BRSK2: variants seen among roughly 807,000 people sequenced by gnomAD.
BRSK2 encodes the protein serine/threonine-protein kinase BRSK2.
BRSK2 carries 19 observed loss-of-function variants against 83.3 expected under a neutral mutation model. The observed-to-expected ratio is 0.23, with a 90% CI of 0.16 to 0.33. The LOEUF (loss-of-function observed/expected upper bound fraction) is 0.33, where lower values mean the gene tolerates loss of function less well. Ranked by LOEUF, BRSK2 falls within the 10% of genes least tolerant of loss-of-function variation. The pLI is 1.00. For synonymous variants in BRSK2, 519 were observed against 435.4 expected (o/e 1.19, Z -2.39); for missense variants, 798 against 1,042.3 (o/e 0.77, Z 3.23).
intron 1 of BRSK2, among the ~76,000 whole-genome samples, chr11:1,421,678 C>G (rs1406705936): frequency 6.6e-6 from 1 of 152,206 alleles, no homozygotes; most frequent in Non-Finnish European, 1.5e-5. Context: ...TCCTTCCTGC[C>G]CCCTGCCCCA....
chr11:1,451,443 T>A (rs117148214), intron 15 of BRSK2, 24 bp downstream of exon 15: 1 of 1,610,530 alleles, frequency 6.2e-7, no homozygotes, highest in Non-Finnish European at 8.5e-7. Flanking sequence ...GCTGGAGGCC[T>A]CCTGGTACCT....
In BRSK2 at chr11:1,454,903, C is replaced by T. The variant is rs1564881089; in HGVS notation, c.1668+295C>T. On this transcript the variant is annotated intron_variant, in intron 16 of 19. Transcript: ENST00000528841. This position sits in a 1 kb window ranked among gnomAD's most constrained non-coding sequence, Gnocchi z 5.2. ...GCCGGACAGGCCTGGGCAGCTGGCA[C>T]GTGGGGCAGAAGGAAGGCTCCAGCT... 1.3e-5 allele frequency among the ~76,000 whole-genome samples: 2 copies of T among 152,134 alleles called. No homozygotes were observed. Among genetic ancestry groups the T allele is most frequent in the Admixed American group, 6.5e-5 (1 of 15,280 alleles).
At chr11:1,400,116 G>A (rs533303686) in intron 1 of BRSK2, among the ~76,000 whole-genome samples, 4 of 152,390 alleles carry the variant, frequency 2.6e-5, no homozygotes, top group African/African-American at 9.6e-5. Context: ...AAGCCAGTCG[G>A]ATGCTGGGAT....
chr11:1,435,925 G>C (rs1661337765), intron 1 of BRSK2, 115 bp from the exon 2 acceptor site: 1 of 725,026 alleles, frequency 1.4e-6, no homozygotes, highest in Non-Finnish European at 2.3e-6. Flanking sequence ...CCCTGGAGCG[G>C]GTGGGACCCC....
chr11:1,459,480 G>A (rs779451180), intron 19 of BRSK2: 1 of 550,790 alleles, frequency 1.8e-6, no homozygotes, highest in South Asian at 2.1e-5. Context: ...CCTAGGATCA[G>A]GGCAGGCCCA....
chr11:1,390,535 C>T lies in BRSK2; in HGVS notation c.91+160C>T, dbSNP rs1257954953. Among the ~76,000 whole-genome samples, 10 of 145,848 alleles carry T rather than the reference C, an allele frequency of 6.9e-5. No individual in the cohort carries two copies. In the South Asian group the frequency reaches 1.7e-3, roughly 25 times the overall value. On this transcript the variant is annotated intron_variant, in intron 1 of 19. Coordinates refer to ENST00000528841, the MANE Select transcript of BRSK2 (RefSeq NM_001256627.2). This position sits in a 1 kb window ranked among gnomAD's most constrained non-coding sequence, Gnocchi z 6.8. ...CCGTGCGCCCCCGTCCGCTCGTGCG[C>T]CCCGGTTCCGCCGCGGATCCCGCAG... is the stretch of plus-strand genomic sequence containing the variant.
rs1332463468 is a variant in BRSK2 at position 1,456,587 on chromosome 11, G to A, written c.1850-11G>A. 5.0e-6 allele frequency: 8 copies of A among 1,609,290 alleles called. No homozygotes were observed. The Admixed American group carries it at 1.0e-4, about 20-fold the overall frequency. On this transcript the variant is annotated splice_polypyrimidine_tract_variant and intron_variant, in intron 17 of 19. Transcript: ENST00000528841. ...AGGCCCGTCCAGGGCATAACCCCCT[G>A]TCTCCCCTAGGCCCCAGCCGTCGCT...
At chr11:1,446,772 C>G (rs1263812295) in intron 12 of BRSK2, among the ~76,000 whole-genome samples, 5 of 152,204 alleles carry the variant, frequency 3.3e-5, no homozygotes, top group Admixed American at 2.6e-4. Context: ...TGGCAGCTTC[C>G]AACACTTGGG....
chr11:1,414,736 G>A (rs888307234), intron 1 of BRSK2, among the ~76,000 whole-genome samples: 2 of 152,192 alleles, frequency 1.3e-5, no homozygotes, highest in African/African-American at 2.4e-5. Context: ...TGCGCCACAC[G>A]TTCTCTTGCC....
intron 16 of BRSK2, among the ~76,000 whole-genome samples, chr11:1,455,200 A>G (rs1476283113): frequency 6.6e-6 from 1 of 152,058 alleles, no homozygotes; most frequent in Non-Finnish European, 1.5e-5. Context: ...AAATGGAGAA[A>G]GTTTATTGCC....
At chr11:1,397,180 C>T (rs1320062487) in intron 1 of BRSK2, among the ~76,000 whole-genome samples, 1 of 152,250 alleles carries the variant, frequency 6.6e-6, no homozygotes, top group Non-Finnish European at 1.5e-5. Context: ...CTAGCCTAGG[C>T]TGACCAAGCG....
At chr11:1,399,730 G>T (rs1161971690) in intron 1 of BRSK2, among the ~76,000 whole-genome samples, 1 of 152,200 alleles carries the variant, frequency 6.6e-6, no homozygotes, top group Admixed American at 6.5e-5. Flanking sequence ...GGGTGGACAT[G>T]GGGGATTTGG....
intron 8 of BRSK2, 59 bp downstream of exon 8, chr11:1,443,694 G>A (rs1311084862): frequency 3.4e-6 from 5 of 1,465,860 alleles, no homozygotes; most frequent in East Asian, 2.5e-5. Context: ...GGGGGCGGGC[G>A]TGTGCCTGTG....
At chr11:1,422,041 G>A (rs947719514) in intron 1 of BRSK2, among the ~76,000 whole-genome samples, 3 of 152,128 alleles carry the variant, frequency 2.0e-5, no homozygotes, top group African/African-American at 2.4e-5. Flanking sequence ...GCCCCACGGG[G>A]GGAGGGTGGC....
chr11:1,393,517 G>T (rs1845860094), intron 1 of BRSK2, among the ~76,000 whole-genome samples: 1 of 152,212 alleles, frequency 6.6e-6, no homozygotes, highest in African/African-American at 2.4e-5. Flanking sequence ...GCTAGGATGA[G>T]GGGCTGCCCT....
Position 1,460,839 on chromosome 11 carries a change from G to C in BRSK2, c.*116G>C. Reference sequence around the variant, plus strand: ...CGCCCGTCCGTCCAGACTGTTCTCAGAGCCTGGGAGGAAAGGAAAGGGGCG... The same window carrying C: ...CGCCCGTCCGTCCAGACTGTTCTCACAGCCTGGGAGGAAAGGAAAGGGGCG... On this transcript the variant is annotated 3_prime_UTR_variant, in exon 20 of 20. Transcript: ENST00000528841. 6 of 1,539,324 alleles carry C rather than the reference G, an allele frequency of 3.9e-6. No homozygotes were observed. The highest frequency in any genetic ancestry group is 5.2e-6 in the Non-Finnish European group (6 of 1,146,118).
At chr11:1,408,776 TGTTTGG>T (rs145584577) in intron 1 of BRSK2, among the ~76,000 whole-genome samples, 1 of 121,276 alleles carries the variant, frequency 8.2e-6, no homozygotes, top group African/African-American at 2.9e-5. Flanking sequence ...TGTGTGTGTG[TGTTTGG>T]CTGTGCAAGG....
chr11:1,417,581 T>A (rs911299170), intron 1 of BRSK2, among the ~76,000 whole-genome samples: 3 of 147,466 alleles, frequency 2.0e-5, no homozygotes, highest in African/African-American at 7.5e-5. Context: ...TCACACTGTG[T>A]CCTGCTTCTG....
intron 16 of BRSK2, among the ~76,000 whole-genome samples, chr11:1,455,077 C>T (rs915304878): frequency 1.3e-5 from 2 of 152,170 alleles, no homozygotes; most frequent in South Asian, 2.1e-4. Context: ...ACCCTGCCCT[C>T]GGAGGCCGGG....
Sources: gnomAD v4.1 joint callset for allele counts (sites outside exome capture counted in the v4.1 genomes callset) on GRCh38, gnomAD v4.1.1 for gene constraint, Gnocchi (gnomAD v3.1) non-coding constraint, MANE v1.5 for transcripts, NCBI Gene and HGNC (gene_info 2026-07-23, HGNC 2026-07-21) for gene names.